The following CCDC13 variants were observed in gnomAD, a reference collection of about 807,000 sequenced individuals.
CCDC13 encodes the protein coiled-coil domain-containing protein 13.
A neutral mutation model predicts 87.3 loss-of-function variants in CCDC13; 70 were observed. That is an observed-to-expected ratio of 0.80 (90% CI 0.66 to 0.98). CCDC13 has a LOEUF of 0.98. Ranked by LOEUF, CCDC13 falls within the 50% of genes least tolerant of loss-of-function variation. The pLI, the probability that CCDC13 is intolerant of heterozygous loss-of-function variation, is 0.00. For missense variants in CCDC13, 842 were observed against 892.0 expected (o/e 0.94, Z 0.71); for synonymous variants, 317 against 360.3 (o/e 0.88, Z 1.36).
In CCDC13 at chr3:42,709,028, T is replaced by G; in HGVS notation, c.2100A>C (p.Lys700Asn). 3 of 1,613,920 alleles carry G rather than the reference T, an allele frequency of 1.9e-6. No homozygotes were observed. Among genetic ancestry groups the G allele is most frequent in the Non-Finnish European group, 1.7e-6 (2 of 1,179,862 alleles). Residue 700 changes from lysine to asparagine, a missense_variant, in exon 16 of 16, where the codon AAA becomes AAC. Transcript: ENST00000310232. The stretch of plus-strand genomic sequence containing the variant: ...GCCGCAGGGCCTGCAGGAAGACACT[T>G]TTCACCTGGCCCAGGATCTCATGGT... The part of the protein sequence containing the change: ...RMYHEILGQV[K>N]SVFLQALRQQ...
chr3:42,728,564 T>G (rs1202832856), intron 13 of CCDC13, among the ~76,000 whole-genome samples: 1 of 152,172 alleles, frequency 6.6e-6, no homozygotes, highest in African/African-American at 2.4e-5. Flanking sequence ...CAATCATCAG[T>G]TTTGAAAGGA....
rs577561768 is a variant in CCDC13, at chr3:42,739,839, G to C, written c.988-29C>G. The C allele has an allele frequency of 1.1e-5, 17 of 1,604,988 alleles. No individual in the cohort carries two copies. In the East Asian group the frequency reaches 3.3e-4, roughly 32 times the overall value. ...TAATTAGAAAGTGAGGGCATGGGCA[G>C]CAGGGCTGTGTGGGACCTTGGCCAC... is the stretch of plus-strand genomic sequence containing the variant. On this transcript the variant is annotated intron_variant, in intron 8 of 15. Coordinates refer to ENST00000310232, the MANE Select transcript of CCDC13 (RefSeq NM_144719.4).
In CCDC13 at chr3:42,713,326, A is replaced by G. The variant is rs777554897; in HGVS notation, c.1719-10T>C. On this transcript the variant is annotated splice_polypyrimidine_tract_variant and intron_variant, in intron 13 of 15. Transcript: ENST00000310232. Reference sequence around the variant, plus strand: ...GTTGCTCTCCTCCACCCTGGTGATTAGAGAGGAGGGGATGCTACATGCCCT... The same window carrying G: ...GTTGCTCTCCTCCACCCTGGTGATTGGAGAGGAGGGGATGCTACATGCCCT... The G allele has an allele frequency of 8.6e-5, 139 of 1,613,408 alleles. 4 individuals are homozygous for G. In the South Asian group the frequency reaches 1.4e-3, roughly 16 times the overall value.
chr3:42,721,270 G>A (rs1177928384), intron 13 of CCDC13, among the ~76,000 whole-genome samples: 1 of 152,106 alleles, frequency 6.6e-6, no homozygotes, highest in East Asian at 1.9e-4. Context: ...ATCTACAATT[G>A]TTGTCCTGTT....
chr3:42,742,086 C>G (rs571647063), intron 8 of CCDC13, among the ~76,000 whole-genome samples: 1 of 152,230 alleles, frequency 6.6e-6, no homozygotes, highest in African/African-American at 2.4e-5. Flanking sequence ...GGCCCCTACT[C>G]CCTACTCTCA....
intron 5 of CCDC13, 53 bp downstream of exon 5, chr3:42,751,883 G>T: frequency 2.0e-6 from 3 of 1,519,924 alleles, no homozygotes; most frequent in Non-Finnish European, 9.1e-7. Flanking sequence ...AGGAGGGGAG[G>T]CCCAGGCCCA....
chr3:42,712,881 T>A (rs2125868650), intron 14 of CCDC13, among the ~76,000 whole-genome samples: 1 of 152,314 alleles, frequency 6.6e-6, no homozygotes. Context: ...GGTTGAGGGC[T>A]AGGGTGGCTG....
chr3:42,772,674 G>A (rs561481945), intron 1 of CCDC13, among the ~76,000 whole-genome samples: 13 of 152,302 alleles, frequency 8.5e-5, no homozygotes, highest in Middle Eastern at 3.4e-3. Context: ...GGATGGGAGC[G>A]GGGTGATGCT....
intron 4 of CCDC13, 85 bp from the exon 5 acceptor site, chr3:42,752,110 T>A (rs1161238124): frequency 4.2e-6 from 5 of 1,188,172 alleles, no homozygotes; most frequent in South Asian, 1.3e-5. Flanking sequence ...GTGTGTGTGG[T>A]TACCTATCTT....
chr3:42,748,086 T>C (rs920979462), intron 5 of CCDC13, among the ~76,000 whole-genome samples: 23 of 152,230 alleles, frequency 1.5e-4, no homozygotes, highest in African/African-American at 4.6e-4. Flanking sequence ...CTTTTTTTTT[T>C]TTAACCCAAT....
At chr3:42,754,858 C>G (rs1305007870) in intron 3 of CCDC13, among the ~76,000 whole-genome samples, 1 of 152,062 alleles carries the variant, frequency 6.6e-6, no homozygotes, top group African/African-American at 2.4e-5. Context: ...CTTTCCCAAC[C>G]CTGTCTCCAG....
chr3:42,725,527 C>A (rs1287251197), intron 13 of CCDC13, among the ~76,000 whole-genome samples: 2 of 46,816 alleles, frequency 4.3e-5, no homozygotes, highest in Non-Finnish European at 9.6e-5. Flanking sequence ...GAGTGAGACC[C>A]TGTCTCAAAA....
At chr3:42,752,762 C>A in intron 3 of CCDC13, 45 bp from the exon 4 acceptor site, 1 of 1,607,258 alleles carries the variant, frequency 6.2e-7, no homozygotes, top group Non-Finnish European at 8.5e-7. Context: ...CACAGGCATA[C>A]ACATCAAACT....
intron 13 of CCDC13, among the ~76,000 whole-genome samples, chr3:42,718,657 A>C (rs768940989): frequency 6.6e-6 from 1 of 152,046 alleles, no homozygotes; most frequent in Non-Finnish European, 1.5e-5. Flanking sequence ...AACTTTGCAT[A>C]AGTGTTGGGG....
At chr3:42,733,334 C>T in intron 11 of CCDC13, 136 bp downstream of exon 11, 2 of 1,092,186 alleles carry the variant, frequency 1.8e-6, no homozygotes, top group Non-Finnish European at 2.8e-6. Context: ...TAGGAGAGGC[C>T]CACGTATTGG....
intron 10 of CCDC13, among the ~76,000 whole-genome samples, chr3:42,734,271 TG>T (rs1698927188): frequency 6.6e-6 from 1 of 152,118 alleles, no homozygotes; most frequent in Non-Finnish European, 1.5e-5. Flanking sequence ...TCGAAACGTG[TG>T]CCGACTTAAG....
At chr3:42,751,724 C>G (rs183690143) in intron 5 of CCDC13, among the ~76,000 whole-genome samples, 71 of 152,378 alleles carry the variant, frequency 4.7e-4, no homozygotes, top group Non-Finnish European at 7.8e-4. Context: ...GCTTCCGACA[C>G]GACATTCTTG....
In CCDC13 at chr3:42,764,755, T is replaced by A. The variant is rs151122276; in HGVS notation, c.-6-6404A>T. Among the ~76,000 whole-genome samples the A allele has an allele frequency of 6.9e-4, 105 of 152,202 alleles. 1 individual carries two copies. Among genetic ancestry groups the A allele is most frequent in the African/African-American group, 2.5e-3 (102 of 41,536 alleles). On this transcript the variant is annotated intron_variant, in intron 1 of 15. Coordinates refer to ENST00000310232, the MANE Select transcript of CCDC13 (RefSeq NM_144719.4). ...CCATCCCAGCCCTTTACCTTCCCAC[T>A]AACTCCCAGTTAGCCTCTAGGATTC... is the stretch of plus-strand genomic sequence containing the variant.
At chr3:42,754,333 G>T (rs1369290281) in intron 3 of CCDC13, among the ~76,000 whole-genome samples, 1 of 152,174 alleles carries the variant, frequency 6.6e-6, no homozygotes, top group Non-Finnish European at 1.5e-5. Flanking sequence ...CACACCAAGA[G>T]AAAAGGCTCA....
Sources: allele counts gnomAD v4.1 joint callset (sites outside exome capture counted in the v4.1 genomes callset), GRCh38; gene constraint gnomAD v4.1.1; transcripts MANE v1.5; gene names NCBI Gene and HGNC (gene_info 2026-07-23, HGNC 2026-07-21).